CCR2: variants seen among roughly 807,000 people sequenced by gnomAD.
CCR2 encodes C-C motif chemokine receptor 2.
For missense variants in CCR2, 408 were observed against 440.0 expected, an observed-to-expected ratio of 0.93 and a Z score of 0.65; for synonymous variants, 183 against 177.1, an observed-to-expected ratio of 1.03 and a Z score of -0.27.
At chr3:46,355,058 T>C (rs1005412540) in intron 1 of CCR2, 1 of 152,242 alleles carries the variant, frequency 6.6e-6, no homozygotes, top group Non-Finnish European at 1.5e-5. Flanking sequence ...AAGAGTTTTA[T>C]GTACTCATTC....
chr3:46,357,396 T>C, intron 1 of CCR2, 81 bp from the exon 2 acceptor site: 3 of 954,082 alleles, frequency 3.1e-6, no homozygotes, highest in Non-Finnish European at 4.7e-6. Flanking sequence ...GGGAAGTTGC[T>C]TATGTGGTGC....
Position 46,357,909 on chromosome 3 carries a change from A to G in CCR2, c.382A>G (p.Ile128Val). The G allele has an allele frequency of 1.9e-6, 3 of 1,614,188 alleles. No individual in the cohort carries two copies. The highest frequency in any genetic ancestry group is 3.3e-5 in the Admixed American group (2 of 60,022). Residue 128 changes from isoleucine (I) to valine (V), a missense_variant, in exon 2 of 2, where the codon ATC becomes GTC. Coordinates refer to ENST00000445132, the MANE Select transcript of CCR2 (RefSeq NM_001123396.4). ...GLYHIGYFGG[I>V]FFIILLTIDR... The stretch of plus-strand genomic sequence containing the variant: ...GTATCACATCGGTTATTTTGGCGGA[A>G]TCTTCTTCATCATCCTCCTGACAAT...
chr3:46,355,523 A>G (rs1701436552), intron 1 of CCR2, among the ~76,000 whole-genome samples: 1 of 152,210 alleles, frequency 6.6e-6, no homozygotes, highest in Admixed American at 6.5e-5. Context: ...TATAAGTCAT[A>G]GGGCTACTGG....
intron 1 of CCR2, among the ~76,000 whole-genome samples, chr3:46,355,686 G>A (rs1194220081): frequency 1.3e-5 from 2 of 152,186 alleles, no homozygotes; most frequent in Non-Finnish European, 2.9e-5. Flanking sequence ...GTTGAAAGCA[G>A]TGCAGAGGGG....
In CCR2 at chr3:46,358,160, G is replaced by A. The variant is rs769612183; in HGVS notation, c.633G>A (p.Leu211=). The change falls in exon 2 of 2, where the codon CTG becomes CTA. Residue 211 remains leucine (L), a synonymous_variant. Coordinates refer to ENST00000445132, the MANE Select transcript of CCR2 (RefSeq NM_001123396.4). ...CAATAATGAGGAACATTTTGGGGCT[G>A]GTCCTGCCGCTGCTCATCATGGTCA... ...FHTIMRNILG[L]VLPLLIMVIC... The A allele has an allele frequency of 1.9e-6, 3 of 1,614,148 alleles. No homozygotes were observed. Among genetic ancestry groups the A allele is most frequent in the East Asian group, 4.5e-5 (2 of 44,886 alleles).
In CCR2 at chr3:46,358,072, A is replaced by G. The variant is rs761661605; in HGVS notation, c.545A>G (p.Gln182Arg). Residue 182 changes from glutamine (Q) to arginine (R), a missense_variant, in exon 2 of 2, where the codon CAG becomes CGG. By Grantham distance (43) the Gln-to-Arg change is conservative. Coordinates refer to ENST00000445132, the MANE Select transcript of CCR2 (RefSeq NM_001123396.4). ...CCAGGAATCATCTTTACTAAATGCC[A>G]GAAAGAAGATTCTGTTTATGTCTGT... Reference protein sequence around the residue: ...SVPGIIFTKCQKEDSVYVCGP... With the variant: ...SVPGIIFTKCRKEDSVYVCGP... 1 of 1,614,198 alleles carries G rather than the reference A, an allele frequency of 6.2e-7. No homozygotes were observed. The highest frequency in any genetic ancestry group is 1.1e-5 in the South Asian group (1 of 91,082).
chr3:46,355,718 G>C (rs896985673), intron 1 of CCR2, among the ~76,000 whole-genome samples: 6 of 152,196 alleles, frequency 3.9e-5, no homozygotes, highest in Non-Finnish European at 8.8e-5. Flanking sequence ...AGGCATCTAT[G>C]AGGTGGAACT....
Position 46,358,883 on chromosome 3 carries a change from T to C in CCR2, c.*273T>C. The C allele has an allele frequency of 8.6e-7, 1 of 1,160,540 alleles. No homozygotes were observed. 71.9% of individuals were successfully genotyped at this position (1,160,540 alleles called of 1,614,324 possible). On this transcript the variant is annotated 3_prime_UTR_variant, in exon 2 of 2. Transcript: ENST00000445132. ...CATTACCTTGTGCTAATCCTCTTTT[T>C]CTAGTCTTCATAATTTCTTCACTCA...
chr3:46,359,980 C>A lies in CCR2; in HGVS notation c.*1370C>A. 1 of 936,914 alleles carries A rather than the reference C, an allele frequency of 1.1e-6. No homozygotes were observed. The highest frequency in any genetic ancestry group is 2.7e-5 in the East Asian group (1 of 37,592). 58.0% of individuals were successfully genotyped at this position (936,914 alleles called of 1,614,324 possible). A position where few individuals can be genotyped will look rare whatever the true frequency, so the allele number is the denominator to read the frequency against. On this transcript the variant is annotated 3_prime_UTR_variant, in exon 2 of 2. Transcript: ENST00000445132. ...CAGGAAGGCTGAGAGGAGAGAGACT[C>A]CAGCTGGGTTGGAAAACAGTATTTT...
chr3:46,358,888 T>C lies in CCR2; in HGVS notation c.*278T>C. 2 of 1,143,494 alleles carry C rather than the reference T, an allele frequency of 1.7e-6. No homozygotes were observed. Among genetic ancestry groups the C allele is most frequent in the South Asian group, 3.0e-5 (1 of 33,450 alleles). 70.8% of individuals were successfully genotyped at this position (1,143,494 alleles called of 1,614,324 possible). A position where few individuals can be genotyped will look rare whatever the true frequency, so the allele number is the denominator to read the frequency against. ...CCTTGTGCTAATCCTCTTTTTCTAG[T>C]CTTCATAATTTCTTCACTCAATCTC... On this transcript the variant is annotated 3_prime_UTR_variant, in exon 2 of 2. Transcript: ENST00000445132.
chr3:46,355,901 G>C (rs1701443494), intron 1 of CCR2, among the ~76,000 whole-genome samples: 1 of 152,222 alleles, frequency 6.6e-6, no homozygotes, highest in Non-Finnish European at 1.5e-5. Context: ...TTCAAATCCA[G>C]GTTTGTTTGG....
rs1701480614 is a variant in CCR2 at position 46,357,744 on chromosome 3, C to A, written c.217C>A (p.Leu73Met). The part of the protein sequence containing the change: ...VVLILINCKK[L>M]KCLTDIYLLN... Reference sequence around the variant, plus strand: ...CCTCATCTTAATAAACTGCAAAAAGCTGAAGTGCTTGACTGACATTTACCT... The same window carrying A: ...CCTCATCTTAATAAACTGCAAAAAGATGAAGTGCTTGACTGACATTTACCT... Residue 73 changes from leucine (L) to methionine (M), a missense_variant, in exon 2 of 2, where the codon CTG becomes ATG. Transcript: ENST00000445132. 1.2e-6 allele frequency: 2 copies of A among 1,614,030 alleles called. No individual in the cohort carries two copies. Among genetic ancestry groups the A allele is most frequent in the African/African-American group, 1.3e-5 (1 of 74,908 alleles).
intron 1 of CCR2, among the ~76,000 whole-genome samples, chr3:46,354,613 T>A (rs1476232525): frequency 6.6e-6 from 1 of 152,216 alleles, no homozygotes; most frequent in African/African-American, 2.4e-5. Context: ...GAAAGATAGA[T>A]TTCTATCAGT....
Position 46,357,632 on chromosome 3 carries a change from T to C in CCR2, c.105T>C (p.Phe35=). 1 of 1,614,126 alleles carries C rather than the reference T, an allele frequency of 6.2e-7. No individual in the cohort carries two copies. Among genetic ancestry groups the C allele is most frequent in the Non-Finnish European group, 8.5e-7 (1 of 1,179,990 alleles). ...DYDYGAPCHK[F]DVKQIGAQLL... is the part of the protein sequence containing the mutation. ...ATTACGGTGCTCCCTGTCATAAATT[T>C]GACGTGAAGCAAATTGGGGCCCAAC... is the stretch of plus-strand genomic sequence containing the variant. Residue 35 remains phenylalanine (F), a synonymous_variant, in exon 2 of 2, where the codon TTT becomes TTC. Transcript: ENST00000445132.
Position 46,359,005 on chromosome 3 carries a change from G to C in CCR2, c.*395G>C. The C allele has an allele frequency of 9.6e-7, 1 of 1,042,676 alleles. No individual in the cohort carries two copies. The highest frequency in any genetic ancestry group is 1.2e-6 in the Non-Finnish European group (1 of 855,568). 64.6% of individuals were successfully genotyped at this position (1,042,676 alleles called of 1,614,324 possible). A position where few individuals can be genotyped will look rare whatever the true frequency, so the allele number is the denominator to read the frequency against. On this transcript the variant is annotated 3_prime_UTR_variant, in exon 2 of 2. Coordinates refer to ENST00000445132, the MANE Select transcript of CCR2 (RefSeq NM_001123396.4). ...ATGAATGGGAGTGAGGGATAGTGGGGTCAGGGCTGAGAGGAGAAGGAGGGA... is the reference window on the plus strand; with the variant it reads ...ATGAATGGGAGTGAGGGATAGTGGGCTCAGGGCTGAGAGGAGAAGGAGGGA...
At position 46,360,600 on chromosome 3, in the gene CCR2, A is replaced by C. The variant is rs1701534818; in HGVS notation, c.*1990A>C. On this transcript the variant is annotated 3_prime_UTR_variant, in exon 2 of 2. Coordinates refer to ENST00000445132, the MANE Select transcript of CCR2 (RefSeq NM_001123396.4). ...GTGGAGAAGCTCCCTGAAGTAAGCAAAGACTTTCCTCTTAGTCGAGCCAAG... is the reference window on the plus strand; with the variant it reads ...GTGGAGAAGCTCCCTGAAGTAAGCACAGACTTTCCTCTTAGTCGAGCCAAG... The C allele has an allele frequency of 6.6e-6, 1 of 152,222 alleles. No individual in the cohort carries two copies. Among genetic ancestry groups the C allele is most frequent in the Non-Finnish European group, 1.5e-5 (1 of 68,044 alleles). 9.4% of individuals were successfully genotyped at this position (152,222 alleles called of 1,614,324 possible).
intron 1 of CCR2, among the ~76,000 whole-genome samples, chr3:46,357,116 C>G (rs1319580413): frequency 1.3e-5 from 2 of 152,184 alleles, no homozygotes; most frequent in East Asian, 3.9e-4. Context: ...GGAAGAAGAG[C>G]TTTCTCAGAA....
intron 1 of CCR2, among the ~76,000 whole-genome samples, chr3:46,355,734 G>A (rs926578593): frequency 6.6e-6 from 1 of 152,186 alleles, no homozygotes; most frequent in Non-Finnish European, 1.5e-5. Flanking sequence ...GAACTCAAAT[G>A]ACATGATAAT....
Position 46,359,674 on chromosome 3 carries a change from C to A in CCR2, c.*1064C>A. 1 of 1,606,458 alleles carries A rather than the reference C, an allele frequency of 6.2e-7. No individual in the cohort carries two copies. Among genetic ancestry groups the A allele is most frequent in the Non-Finnish European group, 8.5e-7 (1 of 1,177,936 alleles). ...TCCCCTCACTCTTCTCTTTTCCCCA[C>A]AGCCTTTTTCACATAGCTCTTGGCT... is the stretch of plus-strand genomic sequence containing the variant. On this transcript the variant is annotated 3_prime_UTR_variant, in exon 2 of 2. Coordinates refer to ENST00000445132, the MANE Select transcript of CCR2 (RefSeq NM_001123396.4).
Sources: allele counts gnomAD v4.1 joint callset (sites outside exome capture counted in the v4.1 genomes callset), GRCh38; gene constraint gnomAD v4.1.1; transcripts MANE v1.5; gene names NCBI Gene and HGNC (gene_info 2026-07-23, HGNC 2026-07-21).